Variants in ST6GALNAC3 observed in about 807,000 individuals in gnomAD.
ST6GALNAC3 encodes ST6 N-acetylgalactosaminide alpha-2,6-sialyltransferase 3, also known as alpha-N-acetylgalactosaminide alpha-2,6-sialyltransferase 3.
Under a neutral mutation model 32.7 loss-of-function variants are expected in ST6GALNAC3, and 25 were observed. The observed-to-expected ratio is 0.76, with a 90% CI of 0.56 to 1.07. The LOEUF is 1.07. Among genes scored for constraint, ST6GALNAC3 ranks in the 50% least tolerant of loss-of-function variants. ST6GALNAC3 has a pLI of 0.00. For synonymous variants in ST6GALNAC3, 129 were observed against 133.1 expected (o/e 0.97, Z 0.21); for missense variants, 355 against 382.4 (o/e 0.93, Z 0.60).
At chr1:76,601,112 C>A (rs1473718735) in intron 3 of ST6GALNAC3, among the ~76,000 whole-genome samples, 1 of 152,038 alleles carries the variant, frequency 6.6e-6, no homozygotes, top group African/African-American at 2.4e-5. Flanking sequence ...GTGAAAGGAT[C>A]ATTTGACCTG....
intron 1 of ST6GALNAC3, among the ~76,000 whole-genome samples, chr1:76,235,929 G>A (rs3011992): frequency 0.98 from 148,684 of 151,342 alleles, 73,097 homozygotes; most frequent in Middle Eastern, 1. Flanking sequence ...GTCATGTTGG[G>A]ACAGGGACCC....
At chr1:76,598,416 G>A (rs1441384148) in intron 3 of ST6GALNAC3, among the ~76,000 whole-genome samples, 1 of 152,152 alleles carries the variant, frequency 6.6e-6, no homozygotes, top group Non-Finnish European at 1.5e-5. Flanking sequence ...GCTTTCAGAA[G>A]GTTGAGCTGC....
intron 1 of ST6GALNAC3, among the ~76,000 whole-genome samples, chr1:76,117,987 A>G (rs964182292): frequency 2.0e-5 from 3 of 152,006 alleles, no homozygotes; most frequent in African/African-American, 7.2e-5. Context: ...TTTTTTTATT[A>G]TTACTTTAAG....
intron 1 of ST6GALNAC3, among the ~76,000 whole-genome samples, chr1:76,236,462 T>G (rs763445376): frequency 2.6e-5 from 4 of 152,226 alleles, no homozygotes; most frequent in Non-Finnish European, 5.9e-5. Context: ...AGTAGATGTC[T>G]TAAAGGATAA....
chr1:76,281,154 G>A (rs778014688), intron 1 of ST6GALNAC3, among the ~76,000 whole-genome samples: 30 of 152,046 alleles, frequency 2.0e-4, no homozygotes, highest in Non-Finnish European at 4.1e-4. Context: ...TTTTTGTGCC[G>A]ACACCTTAAT....
At chr1:76,167,842 C>A (rs1196445148) in intron 1 of ST6GALNAC3, among the ~76,000 whole-genome samples, 1 of 151,850 alleles carries the variant, frequency 6.6e-6, no homozygotes, top group Non-Finnish European at 1.5e-5. Flanking sequence ...ATTCCCCTTG[C>A]CATTTCTGAT....
intron 3 of ST6GALNAC3, among the ~76,000 whole-genome samples, chr1:76,494,537 TTTCATGTGTATAAACACACACAC>T (rs1660716721): frequency 2.5e-5 from 3 of 118,352 alleles, no homozygotes; most frequent in Admixed American, 9.4e-5. Context: ...TGAAAATATA[TTTCATGTGTATAAACACACACAC>T]ACACACACAC....
intron 3 of ST6GALNAC3, among the ~76,000 whole-genome samples, chr1:76,549,807 A>T (rs1349638965): frequency 6.6e-6 from 1 of 152,202 alleles, no homozygotes; most frequent in African/African-American, 2.4e-5. Flanking sequence ...TGATGCTTCC[A>T]CAAGCAGTGG....
chr1:76,548,829 A>C (rs1007586659), intron 3 of ST6GALNAC3, among the ~76,000 whole-genome samples: 1 of 152,012 alleles, frequency 6.6e-6, no homozygotes, highest in Non-Finnish European at 1.5e-5. Flanking sequence ...TCTTCATGGC[A>C]TTTACCATGA....
chr1:76,161,892 G>A (rs2100380334), intron 1 of ST6GALNAC3, among the ~76,000 whole-genome samples: 1 of 152,308 alleles, frequency 6.6e-6, no homozygotes, highest in South Asian at 2.1e-4. Context: ...GTTTGCATTA[G>A]TGCTTCAGTC....
chr1:76,478,216 C>T (rs1160575066), intron 3 of ST6GALNAC3, among the ~76,000 whole-genome samples: 1 of 152,172 alleles, frequency 6.6e-6, no homozygotes, highest in African/African-American at 2.4e-5. Context: ...CTTTAGCCCA[C>T]ATGATGATCT....
At chr1:76,637,109 C>T (rs2100752361), downstream of ST6GALNAC3, 1 of 152,268 alleles carries the variant, frequency 6.6e-6, no homozygotes, top group South Asian at 2.1e-4. Flanking sequence ...CACCAGCCAC[C>T]TTACACCATG....
intron 1 of ST6GALNAC3, among the ~76,000 whole-genome samples, chr1:76,192,846 T>C (rs2087137): frequency 0.084 from 12,781 of 152,230 alleles, 596 homozygotes; most frequent in African/African-American, 0.12. Flanking sequence ...CCTGACCTTA[T>C]GAATTAAATT....
chr1:76,082,870 G>GT (rs1351963359), intron 1 of ST6GALNAC3, among the ~76,000 whole-genome samples: 53 of 148,500 alleles, frequency 3.6e-4, no homozygotes, highest in Admixed American at 3.1e-3. Flanking sequence ...TCGTTTTCGT[G>GT]TTTTTTGTTT....
chr1:76,436,461 T>C (rs746742099), intron 3 of ST6GALNAC3, among the ~76,000 whole-genome samples: 38 of 152,228 alleles, frequency 2.5e-4, no homozygotes, highest in Middle Eastern at 3.4e-3. Flanking sequence ...ATTTAATGAG[T>C]GCTGTGTAAC....
chr1:76,224,771 T>C (rs2100616235), intron 1 of ST6GALNAC3, among the ~76,000 whole-genome samples: 1 of 152,174 alleles, frequency 6.6e-6, no homozygotes, highest in East Asian at 1.9e-4. Flanking sequence ...CATGGTAAGG[T>C]AGCCTTTGTC....
intron 3 of ST6GALNAC3, among the ~76,000 whole-genome samples, chr1:76,556,074 T>C (rs1464992493): frequency 6.6e-6 from 1 of 152,114 alleles, no homozygotes. Context: ...ACTAATCTGC[T>C]GTCTCTATAG....
chr1:76,257,407 T>G (rs1363695533), intron 1 of ST6GALNAC3, among the ~76,000 whole-genome samples: 1 of 152,128 alleles, frequency 6.6e-6, no homozygotes, highest in Admixed American at 6.6e-5. Context: ...GTACAGTCAC[T>G]GGGTAGCCCC....
intron 1 of ST6GALNAC3, among the ~76,000 whole-genome samples, chr1:76,175,553 G>A (rs78402350): frequency 0.028 from 4,139 of 150,176 alleles, 180 homozygotes; most frequent in African/African-American, 0.096. Context: ...GCTTGGCCAT[G>A]ATGGGGAACT....
Sources: allele counts gnomAD v4.1 joint callset (sites outside exome capture counted in the v4.1 genomes callset), GRCh38; gene constraint gnomAD v4.1.1; transcripts MANE v1.5; gene names NCBI Gene and HGNC (gene_info 2026-07-23, HGNC 2026-07-21).